The following POLR2M variants were observed in gnomAD, a reference collection of about 807,000 sequenced individuals.
POLR2M encodes protein GRINL1A.
Under a neutral mutation model 34.6 loss-of-function variants are expected in POLR2M, and 30 were observed. The observed-to-expected ratio is 0.87, with a 90% CI of 0.65 to 1.18. The LOEUF (loss-of-function observed/expected upper bound fraction) is 1.18. Among genes scored for constraint, POLR2M ranks in the 50% most tolerant of loss-of-function variants. POLR2M has a pLI of 0.00. For missense variants in POLR2M, 432 were observed against 448.7 expected, an observed-to-expected ratio of 0.96 and a Z score of 0.34; for synonymous variants, 150 against 166.7, an observed-to-expected ratio of 0.90 and a Z score of 0.77.
intron 2 of POLR2M, 49 bp from the exon 3 acceptor site, chr15:57,711,935 C>G (rs932630127): frequency 1.2e-6 from 2 of 1,601,502 alleles, no homozygotes; most frequent in Non-Finnish European, 1.7e-6. Context: ...TTAAATGTGT[C>G]TACAAATAAA....
intron 2 of POLR2M, among the ~76,000 whole-genome samples, chr15:57,710,390 T>A (rs2040661796): frequency 6.6e-6 from 1 of 152,254 alleles, no homozygotes; most frequent in Non-Finnish European, 1.5e-5. Context: ...ACATCAAAGT[T>A]AAATCACTAC....
At chr15:57,709,411 C>A (rs1170836562) in intron 2 of POLR2M, 53 bp downstream of exon 2, 11 of 1,546,372 alleles carry the variant, frequency 7.1e-6, no homozygotes, top group Non-Finnish European at 9.6e-6. Context: ...TTGTTAAACT[C>A]AAAAATTTAC....
chr15:57,707,297 G>T, intron 1 of POLR2M: 1 of 758,396 alleles, frequency 1.3e-6, no homozygotes, highest in Non-Finnish European at 2.2e-6. Context: ...ACCCATAACA[G>T]ATTGTCAGCT....
chr15:57,710,745 A>G (rs1224724462), intron 2 of POLR2M, among the ~76,000 whole-genome samples: 1 of 152,192 alleles, frequency 6.6e-6, no homozygotes. Context: ...GAATTCAGGA[A>G]GTTTAAGAGA....
rs549047433 is a variant in POLR2M at position 57,714,241 on chromosome 15, A to G, written c.964-295A>G. 3.3e-5 allele frequency among the ~76,000 whole-genome samples: 5 copies of G among 152,264 alleles called. No individual in the cohort carries two copies. In the East Asian group the frequency reaches 5.8e-4, roughly 18 times the overall value. On this transcript the variant is annotated intron_variant, in intron 3 of 3. Coordinates refer to ENST00000299638, the MANE Select transcript of POLR2M (RefSeq NM_015532.5). Reference sequence around the variant, plus strand: ...CCCCATATTTAACGCATCTGTATTTATAAGTATTGTAGTGCTAAGCTCATT... The same window carrying G: ...CCCCATATTTAACGCATCTGTATTTGTAAGTATTGTAGTGCTAAGCTCATT...
chr15:57,707,149 T>G lies in POLR2M; in HGVS notation c.113+194T>G, dbSNP rs771019008. ...GTGCCTCTTCCTGGCCAGGCACGTA[T>G]GCCTGCGAGGATAGCTCGGATTGAA... On this transcript the variant is annotated intron_variant, in intron 1 of 3. Coordinates refer to ENST00000299638, the MANE Select transcript of POLR2M (RefSeq NM_015532.5). 7 of 1,527,298 alleles carry G rather than the reference T, an allele frequency of 4.6e-6. No individual in the cohort carries two copies. The South Asian group carries it at 8.6e-5, about 19-fold the overall frequency. 94.6% of individuals were successfully genotyped at this position (1,527,298 alleles called of 1,614,324 possible). A position where few individuals can be genotyped will look rare whatever the true frequency, so the allele number is the denominator to read the frequency against.
intron 1 of POLR2M, chr15:57,707,406 C>T (rs1361957670): frequency 4.5e-6 from 3 of 665,752 alleles, no homozygotes; most frequent in Non-Finnish European, 8.3e-6. Flanking sequence ...CCTCATTCAG[C>T]TGGCTGGTTG....
At position 57,716,199 on chromosome 15, in the gene POLR2M, A is replaced by G. The variant is rs1446938851; in HGVS notation, c.*1520A>G. On this transcript the variant is annotated 3_prime_UTR_variant, in exon 4 of 4. Transcript: ENST00000299638. ...GAAATCATAATGTACATTGCTTTGTAGTCTGCTCTATATATTGTCAATATG... is the reference window on the plus strand; with the variant it reads ...GAAATCATAATGTACATTGCTTTGTGGTCTGCTCTATATATTGTCAATATG... The G allele has an allele frequency of 6.6e-6, 1 of 152,264 alleles. No homozygotes were observed. Among genetic ancestry groups the G allele is most frequent in the African/African-American group, 2.4e-5 (1 of 41,472 alleles). 9.4% of individuals were successfully genotyped at this position (152,264 alleles called of 1,614,324 possible).
Position 57,714,745 on chromosome 15 carries a change from C to G in POLR2M, c.*66C>G, listed in dbSNP as rs1382475294. The G allele has an allele frequency of 5.7e-6, 9 of 1,570,870 alleles. No individual in the cohort carries two copies. In the African/African-American group the frequency reaches 6.9e-5, roughly 12 times the overall value. Reference sequence around the variant, plus strand: ...TTACATCAGACTTTCTAACTAGTATCAAGATCAGTGTCAGATATTGTTGAG... The same window carrying G: ...TTACATCAGACTTTCTAACTAGTATGAAGATCAGTGTCAGATATTGTTGAG... On this transcript the variant is annotated 3_prime_UTR_variant, in exon 4 of 4. Coordinates refer to ENST00000299638, the MANE Select transcript of POLR2M (RefSeq NM_015532.5).
chr15:57,713,843 T>C (rs1347419143), intron 3 of POLR2M, among the ~76,000 whole-genome samples: 1 of 108,668 alleles, frequency 9.2e-6, no homozygotes, highest in African/African-American at 3.8e-5. Flanking sequence ...TTTTTTTTTT[T>C]TTTTTTTTTT....
At position 57,714,668 on chromosome 15, in the gene POLR2M, G is replaced by A. The variant is rs1252530115; in HGVS notation, c.1096G>A (p.Asp366Asn). 2 of 1,611,118 alleles carry A rather than the reference G, an allele frequency of 1.2e-6. No individual in the cohort carries two copies. The highest frequency in any genetic ancestry group is 1.7e-6 in the Non-Finnish European group (2 of 1,179,460). ...GGATGAAGATGACGATTGGTCCTCT[G>A]ATGAATTCTGAAGATAATCTCCTAA... ...VRDEDDDWSS[D>N]EF is the part of the protein sequence containing the mutation. Residue 366 changes from aspartate (D) to asparagine (N), a missense_variant, in exon 4 of 4, where the codon GAT (aspartate) becomes AAT (asparagine). By Grantham distance (23) the Asp-to-Asn change is conservative. Coordinates refer to ENST00000299638, the MANE Select transcript of POLR2M (RefSeq NM_015532.5).
chr15:57,713,937 G>T (rs1158017881), intron 3 of POLR2M, among the ~76,000 whole-genome samples: 1 of 136,548 alleles, frequency 7.3e-6, no homozygotes, highest in Non-Finnish European at 1.5e-5. Flanking sequence ...CGCCTCCCGG[G>T]TTCACGCCAT....
chr15:57,707,551 T>C, intron 1 of POLR2M: 2 of 462,690 alleles, frequency 4.3e-6, no homozygotes, highest in Non-Finnish European at 8.6e-6. Flanking sequence ...TCAGAGAGAC[T>C]TCCCACGAGA....
intron 1 of POLR2M, chr15:57,707,386 A>C (rs2040537063): frequency 2.9e-6 from 2 of 684,910 alleles, no homozygotes; most frequent in South Asian, 3.0e-5. Flanking sequence ...TTAGGCCGGG[A>C]AAGTTCGACC....
In POLR2M at chr15:57,709,313, G is replaced by T. The variant is rs1219637495; in HGVS notation, c.713G>T (p.Arg238Leu). Reference protein sequence around the residue: ...KPHYMEVLEMRAKNPVPQLRK... With the variant: ...KPHYMEVLEMLAKNPVPQLRK... ...CATTACATGGAAGTGCTAGAAATGCGAGCCAAAAACCCAGTGCCCCAGCTG... is the reference window on the plus strand; with the variant it reads ...CATTACATGGAAGTGCTAGAAATGCTAGCCAAAAACCCAGTGCCCCAGCTG... The change falls in exon 2 of 4, where the codon CGA becomes CTA. Residue 238 changes from arginine to leucine, a missense_variant. Physicochemically the swap from Arg to Leu is moderately radical, Grantham distance 102. Transcript: ENST00000299638. 2.5e-6 allele frequency: 4 copies of T among 1,613,984 alleles called. No individual in the cohort carries two copies. In the Admixed American group the frequency reaches 6.7e-5, roughly 27 times the overall value.
intron 3 of POLR2M, among the ~76,000 whole-genome samples, chr15:57,713,944 C>T (rs1030817377): frequency 7.1e-6 from 1 of 140,026 alleles, no homozygotes; most frequent in Non-Finnish European, 1.5e-5. Context: ...CGGGTTCACG[C>T]CATTCTTGTT....
chr15:57,707,552 T>C, intron 1 of POLR2M: 1 of 462,788 alleles, frequency 2.2e-6, no homozygotes, highest in Non-Finnish European at 4.3e-6. Flanking sequence ...CAGAGAGACT[T>C]CCCACGAGAC....
At chr15:57,711,862 T>C (rs1323807470) in intron 2 of POLR2M, 122 bp from the exon 3 acceptor site, 1 of 1,172,234 alleles carries the variant, frequency 8.5e-7, no homozygotes, top group East Asian at 2.6e-5. Context: ...TACTGGTAAA[T>C]TACTTACTGT....
In POLR2M at chr15:57,709,359, G is replaced by A; in HGVS notation, c.758+1G>A. On this transcript the variant is annotated splice_donor_variant, in intron 2 of 3. Coordinates refer to ENST00000299638, the MANE Select transcript of POLR2M (RefSeq NM_015532.5). LOFTEE classifies it high-confidence loss of function. ...AGCTGCGTAAATTTAAAACCAATGT[G>A]TAAGTACCCTCGGAAACAGGCCTGT... 6.2e-7 allele frequency: 1 copy of A among 1,607,712 alleles called. No homozygotes were observed. Among genetic ancestry groups the A allele is most frequent in the Non-Finnish European group, 8.5e-7 (1 of 1,176,690 alleles).
Sources: allele counts gnomAD v4.1 joint callset (sites outside exome capture counted in the v4.1 genomes callset), GRCh38; gene constraint gnomAD v4.1.1; transcripts MANE v1.5; gene names NCBI Gene and HGNC (gene_info 2026-07-23, HGNC 2026-07-21).